Variants in GRK5 observed in about 807,000 individuals in gnomAD.
The protein encoded by GRK5 is G protein-coupled receptor kinase 5, also known as g protein-coupled receptor kinase GRK5.
Under a neutral mutation model 78.4 loss-of-function variants are expected in GRK5, and 40 were observed. The ratio of observed to expected loss-of-function variants is 0.51; its 90% CI spans 0.40 to 0.66. The LOEUF (loss-of-function observed/expected upper bound fraction) is 0.66, where lower values mean the gene tolerates loss of function less well. Among genes scored for constraint, GRK5 ranks in the 30% least tolerant of loss-of-function variants. The pLI, the probability that GRK5 is intolerant of heterozygous loss-of-function variation, is 0.00. For missense variants in GRK5, 598 were observed against 759.9 expected (o/e 0.79, Z 2.50); for synonymous variants, 289 against 296.8 (o/e 0.97, Z 0.27).
At chr10:119,218,028 C>T (rs1015527079) in intron 1 of GRK5, among the ~76,000 whole-genome samples, 4 of 151,942 alleles carry the variant, frequency 2.6e-5, no homozygotes, top group African/African-American at 9.7e-5. Context: ...TGCCATTTTT[C>T]AGTGGTAACC....
rs371568250 is a variant in GRK5 at position 119,387,313 on chromosome 10, G to A, written c.261+6386G>A. On this transcript the variant is annotated intron_variant, in intron 3 of 15. Transcript: ENST00000392870. ...GCCACCGTGCCCGGCCTTCTGTGCA[G>A]TCTTAATGTCCACATTTCTCAAGTC... 4.6e-5 allele frequency among the ~76,000 whole-genome samples: 7 copies of A among 152,268 alleles called. No individual in the cohort carries two copies. The East Asian group carries it at 1.2e-3, about 25-fold the overall frequency.
intron 9 of GRK5, 109 bp from the exon 10 acceptor site, chr10:119,439,622 C>A (rs1852990655): frequency 3.2e-6 from 3 of 929,686 alleles, no homozygotes; most frequent in African/African-American, 3.3e-5. Context: ...GGGAAGGAAA[C>A]ACACTGTGGC....
chr10:119,272,060 C>T (rs1011497901), intron 1 of GRK5, among the ~76,000 whole-genome samples: 5 of 152,166 alleles, frequency 3.3e-5, no homozygotes, highest in East Asian at 1.9e-4. Flanking sequence ...TAGGCTGACG[C>T]GGCCCTCCTA....
intron 2 of GRK5, among the ~76,000 whole-genome samples, chr10:119,343,542 C>A (rs978963819): frequency 6.6e-6 from 1 of 152,214 alleles, no homozygotes; most frequent in African/African-American, 2.4e-5. Flanking sequence ...GGGCCTGAGT[C>A]GAGGCCATGC....
intron 6 of GRK5, among the ~76,000 whole-genome samples, chr10:119,425,567 G>C (rs1257368644): frequency 1.3e-5 from 2 of 152,146 alleles, no homozygotes; most frequent in Non-Finnish European, 2.9e-5. Flanking sequence ...GGGTCAGAAG[G>C]CACCTGATTT....
chr10:119,359,074 A>G (rs1246726579), intron 2 of GRK5, among the ~76,000 whole-genome samples: 3 of 152,158 alleles, frequency 2.0e-5, no homozygotes, highest in Admixed American at 2.0e-4. Context: ...GGGACAACAC[A>G]GTTCAGTTCA....
chr10:119,313,513 G>A (rs903332864), intron 1 of GRK5, among the ~76,000 whole-genome samples: 4 of 152,148 alleles, frequency 2.6e-5, no homozygotes, highest in African/African-American at 4.8e-5. Flanking sequence ...CTTAACCAAG[G>A]CCACACAGGT....
At chr10:119,408,163 CAAAAAAA>C (rs34029208) in intron 4 of GRK5, among the ~76,000 whole-genome samples, 7 of 73,936 alleles carry the variant, frequency 9.5e-5, no homozygotes, top group Admixed American at 3.4e-4. Context: ...AACTCCATCT[CAAAAAAA>C]AAAAAAAAAA....
intron 2 of GRK5, among the ~76,000 whole-genome samples, chr10:119,376,997 C>T (rs145508655): frequency 2.2e-4 from 33 of 152,244 alleles, no homozygotes; most frequent in African/African-American, 4.3e-4. Flanking sequence ...TGTGTATGTG[C>T]GTGCGTGTGT....
chr10:119,260,372 C>CTTT (rs56407821), intron 1 of GRK5, among the ~76,000 whole-genome samples: 2 of 101,446 alleles, frequency 2.0e-5, no homozygotes, highest in African/African-American at 4.0e-5. Flanking sequence ...TAACCGTCTG[C>CTTT]TTTTTTTTTT....
chr10:119,353,573 A>G (rs899392872), intron 2 of GRK5, among the ~76,000 whole-genome samples: 7 of 152,176 alleles, frequency 4.6e-5, no homozygotes, highest in African/African-American at 1.7e-4. Context: ...GGCTTTCCCT[A>G]TGAACAGCCA....
intron 1 of GRK5, among the ~76,000 whole-genome samples, chr10:119,263,344 C>A (rs755930969): frequency 7.9e-5 from 12 of 152,088 alleles, no homozygotes; most frequent in African/African-American, 2.2e-4. Context: ...TCTGAGAAGT[C>A]CTGCAGTGGA....
At chr10:119,269,812 G>C (rs1849557287) in intron 1 of GRK5, among the ~76,000 whole-genome samples, 1 of 136,254 alleles carries the variant, frequency 7.3e-6, no homozygotes, top group Admixed American at 8.0e-5. Flanking sequence ...CAGCCTGCAA[G>C]ATGGAGTGAG....
chr10:119,215,499 G>A (rs1193692962), intron 1 of GRK5, among the ~76,000 whole-genome samples: 2 of 150,816 alleles, frequency 1.3e-5, no homozygotes, highest in Non-Finnish European at 3.0e-5. Flanking sequence ...AATAGGGAAG[G>A]GGGTGCGGAG....
chr10:119,268,911 G>T (rs1849543485), intron 1 of GRK5, among the ~76,000 whole-genome samples: 2 of 152,242 alleles, frequency 1.3e-5, no homozygotes, highest in Non-Finnish European at 2.9e-5. Flanking sequence ...CTTCTGGGGT[G>T]ACTTGTGAGT....
intron 1 of GRK5, among the ~76,000 whole-genome samples, chr10:119,259,189 C>T (rs11198848): frequency 0.6 from 90,844 of 151,588 alleles, 27,742 homozygotes; most frequent in East Asian, 0.77. Context: ...CTCAGCCTCC[C>T]GAGTAGCTGG....
chr10:119,372,775 T>C (rs753591981), intron 2 of GRK5, among the ~76,000 whole-genome samples: 3 of 151,930 alleles, frequency 2.0e-5, no homozygotes, highest in Non-Finnish European at 4.4e-5. Flanking sequence ...AGGCTTCAAA[T>C]AAAGAAAAAG....
chr10:119,300,374 T>C (rs1257660638), intron 1 of GRK5, among the ~76,000 whole-genome samples: 1 of 152,234 alleles, frequency 6.6e-6, no homozygotes, highest in Non-Finnish European at 1.5e-5. Flanking sequence ...AGGTCAACAC[T>C]GCTATCCATT....
chr10:119,257,280 G>A (rs538753088), intron 1 of GRK5, among the ~76,000 whole-genome samples: 4 of 152,306 alleles, frequency 2.6e-5, no homozygotes, highest in South Asian at 4.1e-4. Context: ...TGTTTTCCAA[G>A]TGGCTTCTGG....
Sources: allele counts gnomAD v4.1 joint callset (sites outside exome capture counted in the v4.1 genomes callset), GRCh38; gene constraint gnomAD v4.1.1; transcripts MANE v1.5; gene names NCBI Gene and HGNC (gene_info 2026-07-23, HGNC 2026-07-21).